The following TRPM6 variants were observed in gnomAD, a reference collection of about 807,000 sequenced individuals.
The protein encoded by TRPM6 is transient receptor potential cation channel subfamily M member 6, also known as channel kinase 2.
TRPM6 carries 111 observed loss-of-function variants against 247.6 expected under a neutral mutation model. The observed-to-expected ratio is 0.45, with a 90% CI of 0.38 to 0.52. The LOEUF is 0.52. Ranked by LOEUF, TRPM6 falls within the 20% of genes least tolerant of loss-of-function variation. The pLI is 0.00. For missense variants in TRPM6, 2,126 were observed against 2,421.5 expected, an observed-to-expected ratio of 0.88 and a Z score of 2.56; for synonymous variants, 892 against 853.8, an observed-to-expected ratio of 1.04 and a Z score of -0.78.
chr9:74,838,935 C>T (rs1829821182), intron 5 of TRPM6, among the ~76,000 whole-genome samples: 1 of 151,930 alleles, frequency 6.6e-6, no homozygotes, highest in Admixed American at 6.6e-5. Context: ...TATGGTGAAA[C>T]CCTGTCTCTA....
At chr9:74,881,922 A>G (rs1298064364) in intron 1 of TRPM6, among the ~76,000 whole-genome samples, 1 of 152,260 alleles carries the variant, frequency 6.6e-6, no homozygotes, top group African/African-American at 2.4e-5. Flanking sequence ...CTGAATTTTG[A>G]CAAAGGCATC....
intron 11 of TRPM6, among the ~76,000 whole-genome samples, chr9:74,814,195 G>A (rs929267459): frequency 2.0e-5 from 3 of 152,144 alleles, no homozygotes; most frequent in Non-Finnish European, 4.4e-5. Context: ...TAGACTGCCA[G>A]GCATAGAAAG....
chr9:74,884,691 T>C (rs1408531269), intron 1 of TRPM6, among the ~76,000 whole-genome samples: 2 of 152,222 alleles, frequency 1.3e-5, no homozygotes, highest in Non-Finnish European at 2.9e-5. Context: ...CAAGAAATTA[T>C]TTTTATATTG....
At chr9:74,857,849 T>C (rs1830574962) in intron 2 of TRPM6, 1 of 152,182 alleles carries the variant, frequency 6.6e-6, no homozygotes, top group Non-Finnish European at 1.5e-5. Flanking sequence ...TGTACTTAAA[T>C]ATACCAGTCA....
intron 27 of TRPM6, among the ~76,000 whole-genome samples, chr9:74,758,845 T>C (rs1406913941): frequency 6.6e-6 from 1 of 152,162 alleles, no homozygotes; most frequent in Non-Finnish European, 1.5e-5. Context: ...TAAAACTATC[T>C]ATGTTTGTAG....
chr9:74,871,603 A>G (rs957574798), intron 1 of TRPM6, among the ~76,000 whole-genome samples: 2 of 152,036 alleles, frequency 1.3e-5, no homozygotes, highest in Non-Finnish European at 2.9e-5. Flanking sequence ...TTTCATGTTC[A>G]TGTAGATCTT....
chr9:74,758,173 G>A (rs1315262069), intron 27 of TRPM6, among the ~76,000 whole-genome samples: 1 of 152,142 alleles, frequency 6.6e-6, no homozygotes, highest in Non-Finnish European at 1.5e-5. Context: ...CACAAAGATG[G>A]TTTCATTGGT....
At chr9:74,737,047 T>G (rs1447998545) in intron 36 of TRPM6, among the ~76,000 whole-genome samples, 1 of 152,096 alleles carries the variant, frequency 6.6e-6, no homozygotes, top group Non-Finnish European at 1.5e-5. Context: ...ATGAAAACAA[T>G]CAACCTCTCT....
chr9:74,733,527 T>C (rs1034488170), intron 36 of TRPM6, among the ~76,000 whole-genome samples: 5 of 152,240 alleles, frequency 3.3e-5, no homozygotes, highest in African/African-American at 1.2e-4. Flanking sequence ...TCAGCAATTA[T>C]AAAAGAAAAG....
chr9:74,886,683 A>G (rs1057327693), intron 1 of TRPM6, among the ~76,000 whole-genome samples: 1 of 152,184 alleles, frequency 6.6e-6, no homozygotes, highest in Non-Finnish European at 1.5e-5. Context: ...GAAATAGTTA[A>G]GAATCCCAAA....
intron 18 of TRPM6, among the ~76,000 whole-genome samples, chr9:74,795,208 C>T (rs1828048960): frequency 6.6e-6 from 1 of 152,164 alleles, no homozygotes; most frequent in South Asian, 2.1e-4. Context: ...TGCTTCTCAC[C>T]TGGATGGCTA....
At chr9:74,817,580 G>A (rs1351296567) in intron 9 of TRPM6, among the ~76,000 whole-genome samples, 1 of 152,154 alleles carries the variant, frequency 6.6e-6, no homozygotes, top group Non-Finnish European at 1.5e-5. Context: ...AGTACCCTGG[G>A]CAACACAGAC....
intron 1 of TRPM6, among the ~76,000 whole-genome samples, chr9:74,874,464 G>A (rs748933225): frequency 5.9e-5 from 9 of 152,092 alleles, no homozygotes; most frequent in South Asian, 4.1e-4. Context: ...TGCAATTCAG[G>A]AAGGAAAGGA....
intron 23 of TRPM6, among the ~76,000 whole-genome samples, chr9:74,781,025 A>C (rs1475140015): frequency 6.6e-6 from 1 of 152,146 alleles, no homozygotes; most frequent in Admixed American, 6.5e-5. Context: ...TGGTGAAGGA[A>C]GGGGCCAGTT....
At chr9:74,804,636 G>T in intron 14 of TRPM6, 2 of 747,594 alleles carry the variant, frequency 2.7e-6, no homozygotes, top group Non-Finnish European at 4.9e-6. Flanking sequence ...CTGGTCTGAA[G>T]GCATGAAGGT....
At chr9:74,724,840 G>C in intron 38 of TRPM6, 94 bp from the exon 39 acceptor site, 3 of 1,498,190 alleles carry the variant, frequency 2.0e-6, no homozygotes, top group Non-Finnish European at 2.8e-6. Flanking sequence ...CAAGTGTTCA[G>C]AGAGATCTCC....
intron 30 of TRPM6, among the ~76,000 whole-genome samples, chr9:74,749,525 G>A (rs1404806607): frequency 6.6e-6 from 1 of 152,180 alleles, no homozygotes; most frequent in African/African-American, 2.4e-5. Context: ...AAATGAGTCT[G>A]TGAATGTCTC....
At chr9:74,850,963 C>T (rs1195587909) in intron 3 of TRPM6, among the ~76,000 whole-genome samples, 5 of 152,160 alleles carry the variant, frequency 3.3e-5, no homozygotes, top group African/African-American at 7.2e-5. Context: ...GCTTTTTCTA[C>T]ACAAAACATA....
chr9:74,831,797 C>T (rs137864675), intron 6 of TRPM6, among the ~76,000 whole-genome samples: 3 of 152,200 alleles, frequency 2.0e-5, no homozygotes, highest in Admixed American at 6.5e-5. Flanking sequence ...ATTTTGAAAA[C>T]TGGCAAATAA....
Sources: allele counts gnomAD v4.1 joint callset (sites outside exome capture counted in the v4.1 genomes callset), GRCh38; gene constraint gnomAD v4.1.1; transcripts MANE v1.5; gene names NCBI Gene and HGNC (gene_info 2026-07-23, HGNC 2026-07-21).